TRMT5: variants seen among roughly 807,000 people sequenced by gnomAD.
TRMT5 encodes the protein tRNA (guanine(37)-N(1))-methyltransferase.
In TRMT5, 31 loss-of-function variants were observed where a neutral mutation model predicts 42.2. The ratio of observed to expected loss-of-function variants is 0.73; its 90% CI spans 0.55 to 0.99. The LOEUF (loss-of-function observed/expected upper bound fraction) is 0.99, where lower values mean the gene tolerates loss of function less well. Among genes scored for constraint, TRMT5 ranks in the 50% least tolerant of loss-of-function variants. The probability of loss-of-function intolerance (pLI) is 0.00; values close to 1 mark genes in which losing one functional copy is unlikely to be tolerated. For missense variants in TRMT5, 568 were observed against 595.0 expected (o/e 0.95, Z 0.47); for synonymous variants, 198 against 209.6 (o/e 0.94, Z 0.48).
chr14:60,975,401 A>C, intron 4 of TRMT5, 74 bp downstream of exon 4: 1 of 1,546,486 alleles, frequency 6.5e-7, no homozygotes, highest in Non-Finnish European at 8.7e-7. Context: ...ACTGCATTAA[A>C]ATTTGTAAAA....
At position 60,979,671 on chromosome 14, in the gene TRMT5, G is replaced by T; in HGVS notation, c.227C>A (p.Pro76His). Residue 76 changes from proline to histidine, a missense_variant, in exon 2 of 5, where the codon CCT becomes CAT. Pro to His is a moderately conservative substitution (Grantham distance 77). Coordinates refer to ENST00000261249, the MANE Select transcript of TRMT5 (RefSeq NM_020810.3). Reference sequence around the variant, plus strand: ...TTTTGTCATGCCTCGGACATCAGAAGGTGGTGAAAACAATTCAGTCTCTCT... The same window carrying T: ...TTTTGTCATGCCTCGGACATCAGAATGTGGTGAAAACAATTCAGTCTCTCT... ...HERETELFSP[P>H]SDVRGMTKLD... is the part of the protein sequence containing the mutation. 1 of 1,614,098 alleles carries T rather than the reference G, an allele frequency of 6.2e-7. No homozygotes were observed. The highest frequency in any genetic ancestry group is 8.5e-7 in the Non-Finnish European group (1 of 1,180,022).
chr14:60,975,436 A>C, intron 4 of TRMT5, 39 bp downstream of exon 4: 3 of 1,583,306 alleles, frequency 1.9e-6, no homozygotes, highest in South Asian at 2.3e-5. Flanking sequence ...TTACAATTGA[A>C]TGGCAAGGTT....
At chr14:60,981,267 T>C (rs2036985921), upstream of TRMT5, 3 of 1,593,158 alleles carry the variant, frequency 1.9e-6, no homozygotes, top group Non-Finnish European at 2.6e-6. Flanking sequence ...GGTAGTCAGC[T>C]GGAGAGCAGC....
At chr14:60,981,280 G>A, upstream of TRMT5, 1 of 1,603,002 alleles carries the variant, frequency 6.2e-7, no homozygotes, top group South Asian at 1.1e-5. Flanking sequence ...AGAGCAGCAT[G>A]GAGGCGTCCT....
Position 60,976,071 on chromosome 14 carries a change from G to A in TRMT5, c.848C>T (p.Pro283Leu). The A allele has an allele frequency of 6.2e-7, 1 of 1,613,750 alleles. No individual in the cohort carries two copies. The change falls in exon 4 of 5, where the codon CCT (proline) becomes CTT (leucine). Residue 283 changes from proline (P) to leucine (L), a missense_variant. By Grantham distance (98) the Pro-to-Leu change is moderately conservative (BLOSUM62 -3). Coordinates refer to ENST00000261249, the MANE Select transcript of TRMT5 (RefSeq NM_020810.3). Reference sequence around the variant, plus strand: ...ACGGCTGTGTTCTGTAGACAGACGAGGATTCCAATAGACTTTTGAAAAATC... The same window carrying A: ...ACGGCTGTGTTCTGTAGACAGACGAAGATTCCAATAGACTTTTGAAAAATC... ...EFDFSKVYWN[P>L]RLSTEHSRIT...
chr14:60,981,005 C>A lies in TRMT5; in HGVS notation c.-32G>T. On this transcript the variant is annotated 5_prime_UTR_variant, in exon 1 of 5. Coordinates refer to ENST00000261249, the MANE Select transcript of TRMT5 (RefSeq NM_020810.3). ...TCCCCACGTCGCTCTGCAGCTGGAT[C>A]CGCGAGCCGACCCCTCACCTCCCGC... 1 of 1,609,608 alleles carries A rather than the reference C, an allele frequency of 6.2e-7. No individual in the cohort carries two copies. Among genetic ancestry groups the A allele is most frequent in the Non-Finnish European group, 8.5e-7 (1 of 1,179,890 alleles).
At chr14:60,976,979 A>C (rs186986912) in intron 3 of TRMT5, among the ~76,000 whole-genome samples, 1 of 152,292 alleles carries the variant, frequency 6.6e-6, no homozygotes. Flanking sequence ...AATCTCATAG[A>C]TAGATACATC....
chr14:60,976,129 G>T lies in TRMT5; in HGVS notation c.793-3C>A. 1 of 1,595,026 alleles carries T rather than the reference G, an allele frequency of 6.3e-7. No individual in the cohort carries two copies. ...TAGGTGTAGTTGTTTTCTCGAACCTGAAAAAAGGTGTTATGCTTTTTGGTT... is the reference window on the plus strand; with the variant it reads ...TAGGTGTAGTTGTTTTCTCGAACCTTAAAAAAGGTGTTATGCTTTTTGGTT... On this transcript the variant is annotated splice_polypyrimidine_tract_variant and splice_region_variant and intron_variant, in intron 3 of 4. Transcript: ENST00000261249.
At chr14:60,981,378 G>A (rs766165664), upstream of TRMT5, 1 of 1,597,386 alleles carries the variant, frequency 6.3e-7, no homozygotes, top group Non-Finnish European at 8.5e-7. Context: ...CCGTTGCTAA[G>A]CAACGTAAGT....
In TRMT5 at chr14:60,975,540, T is replaced by G; in HGVS notation, c.1379A>C (p.Glu460Ala). 1 of 1,614,206 alleles carries G rather than the reference T, an allele frequency of 6.2e-7. No individual in the cohort carries two copies. Among genetic ancestry groups the G allele is most frequent in the Non-Finnish European group, 8.5e-7 (1 of 1,180,030 alleles). The change falls in exon 4 of 5, where the codon GAA becomes GCA. Residue 460 changes from glutamate to alanine, a missense_variant. Physicochemically the swap from Glu to Ala is moderately radical, Grantham distance 107 (BLOSUM62 -1). Transcript: ENST00000261249. ...HLVRNVAPNK[E>A]MLCITFQIPA... is the part of the protein sequence containing the mutation. ...AATCTGAAACGTGATGCACAGCATT[T>G]CCTTGTTTGGGGCCACATTTCTTAC...
chr14:60,980,843 C>T (rs758328681), intron 1 of TRMT5, 120 bp downstream of exon 1: 6 of 1,469,378 alleles, frequency 4.1e-6, no homozygotes, highest in African/African-American at 2.8e-5. Flanking sequence ...AAGCTCAGCA[C>T]CTAGGCGGGT....
In TRMT5 at chr14:60,977,645, G is replaced by GA. The variant is rs1566590401; in HGVS notation, c.668-8dup. 1 of 1,582,560 alleles carries GA rather than the reference G, an allele frequency of 6.3e-7. No homozygotes were observed. Reference sequence around the variant, plus strand: ...TTGTCAATCATAACCTGGCCTAAAAGAAAAAATGAAAATCCATAATACTGC... The same window carrying GA: ...TTGTCAATCATAACCTGGCCTAAAAGAAAAAAATGAAAATCCATAATACTGC... On this transcript the variant is annotated splice_region_variant and splice_polypyrimidine_tract_variant and intron_variant, in intron 2 of 4. Transcript: ENST00000261249.
In TRMT5 at chr14:60,972,383, C is replaced by T. The variant is rs2036787778; in HGVS notation, c.*2726G>A. The T allele has an allele frequency of 3.7e-6, 2 of 541,286 alleles. No individual in the cohort carries two copies. Among genetic ancestry groups the T allele is most frequent in the Non-Finnish European group, 3.7e-6 (1 of 268,140 alleles). 33.5% of individuals were successfully genotyped at this position (541,286 alleles called of 1,614,324 possible). ...GCTTTGGAGGAGCAGGTTTAGCAGACAACCTCGCAGATCTTCTCTGTGATT... is the reference window on the plus strand; with the variant it reads ...GCTTTGGAGGAGCAGGTTTAGCAGATAACCTCGCAGATCTTCTCTGTGATT... On this transcript the variant is annotated 3_prime_UTR_variant, in exon 5 of 5. Transcript: ENST00000261249.
intron 3 of TRMT5, among the ~76,000 whole-genome samples, chr14:60,977,257 T>TG (rs1401536067): frequency 6.6e-5 from 10 of 152,188 alleles, no homozygotes; most frequent in African/African-American, 2.4e-4. Context: ...AACCTATCGA[T>TG]GGACAACTTA....
chr14:60,978,651 G>A (rs2036878147), intron 2 of TRMT5, among the ~76,000 whole-genome samples: 1 of 152,072 alleles, frequency 6.6e-6, no homozygotes, highest in Non-Finnish European at 1.5e-5. Flanking sequence ...TTTGAGTTAG[G>A]GTAGGCAGTG....
In TRMT5 at chr14:60,977,565, G is replaced by A. The variant is rs1371101067; in HGVS notation, c.741C>T (p.Tyr247=). 3.1e-6 allele frequency: 5 copies of A among 1,610,536 alleles called. No homozygotes were observed. In the South Asian group the frequency reaches 4.4e-5, roughly 14 times the overall value. Reference sequence around the variant, plus strand: ...ATAGCACTTCCATTTGGAAATTTCGGTACATATTGTCAATATTATTTATTT... The same window carrying A: ...ATAGCACTTCCATTTGGAAATTTCGATACATATTGTCAATATTATTTATTT... ...VNKINNIDNM[Y]RNFQMEVLSG... The change falls in exon 3 of 5, where the codon TAC becomes TAT. Residue 247 remains tyrosine (Y), a synonymous_variant. Transcript: ENST00000261249.
chr14:60,977,092 C>T (rs1030846820), intron 3 of TRMT5, among the ~76,000 whole-genome samples: 1 of 151,988 alleles, frequency 6.6e-6, no homozygotes, highest in African/African-American at 2.4e-5. Flanking sequence ...ATTAAGGTTA[C>T]AGAGGTGGAA....
chr14:60,972,114 T>G lies in TRMT5; in HGVS notation c.*2995A>C. ...ATACCCCTTCCCCCAAAAACAACAA[T>G]GAAGTGTTCTGTGTGCTAACAACAT... On this transcript the variant is annotated 3_prime_UTR_variant, in exon 5 of 5. Coordinates refer to ENST00000261249, the MANE Select transcript of TRMT5 (RefSeq NM_020810.3). 1 of 362,700 alleles carries G rather than the reference T, an allele frequency of 2.8e-6. No homozygotes were observed. The highest frequency in any genetic ancestry group is 2.2e-5 in the South Asian group (1 of 45,480). The allele number at this position is 362,700 out of a possible 1,614,324, so 22.5% of individuals were successfully genotyped here.
intron 3 of TRMT5, among the ~76,000 whole-genome samples, 177 bp from the exon 4 acceptor site, chr14:60,976,303 A>G (rs1160113183): frequency 6.6e-6 from 1 of 152,204 alleles, no homozygotes; most frequent in Non-Finnish European, 1.5e-5. Flanking sequence ...TGTTTATGCT[A>G]TTCCTAAGGC....
Sources: gnomAD v4.1 joint callset for allele counts (sites outside exome capture counted in the v4.1 genomes callset) on GRCh38, gnomAD v4.1.1 for gene constraint, MANE v1.5 for transcripts, NCBI Gene and HGNC (gene_info 2026-07-23, HGNC 2026-07-21) for gene names.